The following PHC1 variants were observed in gnomAD, a reference collection of about 807,000 sequenced individuals.
PHC1 encodes polyhomeotic-like protein 1.
PHC1 carries 12 observed loss-of-function variants against 104.3 expected under a neutral mutation model. That is an observed-to-expected ratio of 0.12 (90% confidence interval 0.07 to 0.19). The LOEUF (loss-of-function observed/expected upper bound fraction) is 0.19. Among genes scored for constraint, PHC1 ranks in the 10% least tolerant of loss-of-function variants. The pLI, the probability that PHC1 is intolerant of heterozygous loss-of-function variation, is 1.00. For synonymous variants in PHC1, 302 were observed against 455.8 expected, an observed-to-expected ratio of 0.66 and a Z score of 4.30; for missense variants, 671 against 1,200.0, an observed-to-expected ratio of 0.56 and a Z score of 6.51.
chr12:8,925,189 C>A (rs1305965652), intron 6 of PHC1, among the ~76,000 whole-genome samples: 1 of 152,162 alleles, frequency 6.6e-6, no homozygotes, highest in East Asian at 1.9e-4. Context: ...TCGTTTTTTT[C>A]ATCTGTAAAA....
At chr12:8,917,897 G>A (rs1945246988) in intron 2 of PHC1, 106 bp downstream of exon 2, 1 of 653,236 alleles carries the variant, frequency 1.5e-6, no homozygotes, top group South Asian at 2.0e-5. Context: ...ACTGGGGAGA[G>A]TTGGGTTAGA....
chr12:8,919,010 ATTG>A lies in PHC1; in HGVS notation c.115-743_115-741del, dbSNP rs1945281630. Among the ~76,000 whole-genome samples, 2 of 152,070 alleles carry A rather than the reference ATTG, an allele frequency of 1.3e-5. No individual in the cohort carries two copies. Among genetic ancestry groups the A allele is most frequent in the African/African-American group, 4.8e-5 (2 of 41,420 alleles). ...AGTGGATATGTGGTGCATGGCTGTA[ATTG>A]TTTCTTCCGGTTTTTAAAGGACTAT... is the stretch of plus-strand genomic sequence containing the variant. On this transcript the variant is annotated intron_variant, in intron 2 of 14. Transcript: ENST00000544916. This position sits in a 1 kb window ranked among gnomAD's most constrained non-coding sequence, Gnocchi z 4.9.
chr12:8,927,871 TTC>T (rs999480699), intron 6 of PHC1, among the ~76,000 whole-genome samples: 1 of 98,562 alleles, frequency 1.0e-5, no homozygotes, highest in Non-Finnish European at 2.0e-5. Context: ...CTTTCTTTCT[TTC>T]TTTCTTTCTT....
chr12:8,914,554 G>C lies in PHC1; in HGVS notation c.-322G>C, dbSNP rs1945145276. Reference sequence around the variant, plus strand: ...GCCTGCGGCCCCCACCTTCTCGGCCGGGCAGGAAGTGACAGGCCCGGAGCG... The same window carrying C: ...GCCTGCGGCCCCCACCTTCTCGGCCCGGCAGGAAGTGACAGGCCCGGAGCG... On this transcript the variant is annotated 5_prime_UTR_variant, in exon 1 of 15. Coordinates refer to ENST00000544916, the MANE Select transcript of PHC1 (RefSeq NM_004426.3). The C allele has an allele frequency of 6.6e-6, 1 of 151,362 alleles. No homozygotes were observed. The highest frequency in any genetic ancestry group is 2.1e-4 in the South Asian group (1 of 4,820). 9.4% of individuals were successfully genotyped at this position (151,362 alleles called of 1,614,324 possible).
At chr12:8,922,603 C>A (rs1433699173) in intron 5 of PHC1, 30 bp from the exon 6 acceptor site, 1 of 1,547,966 alleles carries the variant, frequency 6.5e-7, no homozygotes, top group Admixed American at 2.0e-5. Flanking sequence ...CTCTTGTCCT[C>A]TTTGCTCTTC....
chr12:8,935,265 G>A, intron 11 of PHC1, 27 bp downstream of exon 11: 1 of 1,226,610 alleles, frequency 8.2e-7, no homozygotes, highest in Non-Finnish European at 1.2e-6. Context: ...AGACTCATTT[G>A]GGGGAAGGAG....
At chr12:8,929,882 C>G (rs765963501) in intron 6 of PHC1, among the ~76,000 whole-genome samples, 10 of 152,156 alleles carry the variant, frequency 6.6e-5, no homozygotes, top group Non-Finnish European at 1.3e-4. Context: ...TTTAAACCCC[C>G]ACCTTCACCA....
intron 3 of PHC1, among the ~76,000 whole-genome samples, chr12:8,920,490 T>C (rs1945330442): frequency 6.6e-6 from 1 of 152,088 alleles, no homozygotes; most frequent in South Asian, 2.1e-4. Context: ...GGTGGATCAC[T>C]TGAGGTCAGG....
At chr12:8,929,025 T>A (rs1945608143) in intron 6 of PHC1, among the ~76,000 whole-genome samples, 1 of 152,206 alleles carries the variant, frequency 6.6e-6, no homozygotes, top group Admixed American at 6.5e-5. Context: ...CTGTGGTACA[T>A]GGCAAGAGTT....
In PHC1 at chr12:8,920,128, T is replaced by C. The variant is rs147979366; in HGVS notation, c.225+262T>C. ...CGTAGTCACTAGCCACATATCGCTA[T>C]TGAGTGCTTGAAATGTGGCTAGTCT... On this transcript the variant is annotated intron_variant, in intron 3 of 14. Coordinates refer to ENST00000544916, the MANE Select transcript of PHC1 (RefSeq NM_004426.3). 2.8e-3 allele frequency among the ~76,000 whole-genome samples: 421 copies of C among 152,346 alleles called. 9 individuals are homozygous for C. Among genetic ancestry groups the C allele is most frequent in the Admixed American group, 0.026 (398 of 15,304 alleles).
upstream of PHC1, chr12:8,914,467 G>C (rs1455445849): frequency 2.7e-5 from 4 of 148,834 alleles, 1 homozygote; most frequent in Non-Finnish European, 6.0e-5. Flanking sequence ...CGGGGGGGGG[G>C]TCCGGCTGCC....
At chr12:8,937,151 A>G in intron 12 of PHC1, 25 bp from the exon 13 acceptor site, 1 of 1,596,534 alleles carries the variant, frequency 6.3e-7, no homozygotes, top group Non-Finnish European at 8.6e-7. Flanking sequence ...CACTATTGAC[A>G]TCCTATATAT....
intron 6 of PHC1, among the ~76,000 whole-genome samples, chr12:8,926,952 G>A (rs1945529862): frequency 6.6e-6 from 1 of 152,106 alleles, no homozygotes; most frequent in South Asian, 2.1e-4. Flanking sequence ...TACAGGTTGA[G>A]GAGAGGAACG....
chr12:8,923,085 C>T (rs750780250), intron 6 of PHC1, among the ~76,000 whole-genome samples: 6 of 152,030 alleles, frequency 3.9e-5, no homozygotes, highest in South Asian at 2.1e-4. Flanking sequence ...TTGTTTTATT[C>T]GGAGAGTCTT....
At position 8,921,728 on chromosome 12, in the gene PHC1, C is replaced by G. The variant is rs1306409629; in HGVS notation, c.434C>G (p.Ser145Cys). The G allele has an allele frequency of 6.2e-7, 1 of 1,611,798 alleles. No homozygotes were observed. The highest frequency in any genetic ancestry group is 8.5e-7 in the Non-Finnish European group (1 of 1,179,022). The change falls in exon 5 of 15, where the codon TCT becomes TGT. Residue 145 changes from serine to cysteine, a missense_variant. Around this residue, in one of 9 missense-constraint regions of PHC1, gnomAD observed 237 missense variants for 331.1 expected, o/e 0.72. Transcript: ENST00000544916. ...GNTTSPPLNQSQAQMYLRPQL... is the reference protein window; with the variant it reads ...GNTTSPPLNQCQAQMYLRPQL... ...ACCACCTCCCCACCCCTCAACCAGT[C>G]TCAGGCCCAGATGTATCTACGGGTA...
At position 8,933,311 on chromosome 12, in the gene PHC1, G is replaced by C; in HGVS notation, c.1854G>C (p.Gln618His). The change falls in exon 8 of 15, where the codon CAG (glutamine) becomes CAC (histidine). Residue 618 changes from glutamine to histidine, a missense_variant. Physicochemically the swap from Gln to His is conservative, Grantham distance 24. Transcript: ENST00000544916. ...GATTSSPVVA[Q>H]VPAAFYMQSV... ...CCACCTCCTCACCTGTTGTAGCCCA[G>C]GTCCCTGCTGCCTTCTATATGCAGT... is the stretch of plus-strand genomic sequence containing the variant. 1 of 1,506,070 alleles carries C rather than the reference G, an allele frequency of 6.6e-7. No individual in the cohort carries two copies. The highest frequency in any genetic ancestry group is 8.9e-7 in the Non-Finnish European group (1 of 1,122,852). The allele number at this position is 1,506,070 out of a possible 1,614,324, so 93.3% of individuals were successfully genotyped here.
In PHC1 at chr12:8,919,911, A is replaced by G. The variant is rs749537327; in HGVS notation, c.225+45A>G. 6 of 1,579,528 alleles carry G rather than the reference A, an allele frequency of 3.8e-6. No homozygotes were observed. On this transcript the variant is annotated intron_variant, in intron 3 of 14. Transcript: ENST00000544916. This position sits in a 1 kb window ranked among gnomAD's most constrained non-coding sequence, Gnocchi z 4.9. ...CTGGCCCGAGAGGGAGGGGACAGGCACTACAGGTGGGTAGGGGAGATTTTT... is the reference window on the plus strand; with the variant it reads ...CTGGCCCGAGAGGGAGGGGACAGGCGCTACAGGTGGGTAGGGGAGATTTTT...
chr12:8,928,802 A>G (rs1945601471), intron 6 of PHC1, among the ~76,000 whole-genome samples: 1 of 152,194 alleles, frequency 6.6e-6, no homozygotes, highest in African/African-American at 2.4e-5. Context: ...CTGTATGTAC[A>G]CTTTTGGAGA....
rs1194631049 is a variant in PHC1, at chr12:8,919,083, G to T, written c.115-673G>T. Reference sequence around the variant, plus strand: ...AGGATCTCTCTGTTTTTTTGAGATGGAGTTTCGCTCCTGTTGCCCAGGCTG... The same window carrying T: ...AGGATCTCTCTGTTTTTTTGAGATGTAGTTTCGCTCCTGTTGCCCAGGCTG... On this transcript the variant is annotated intron_variant, in intron 2 of 14. Coordinates refer to ENST00000544916, the MANE Select transcript of PHC1 (RefSeq NM_004426.3). The surrounding 1 kb of genome is among the most constrained non-coding windows in gnomAD (Gnocchi z 4.9). 6.6e-6 allele frequency among the ~76,000 whole-genome samples: 1 copy of T among 152,036 alleles called. No homozygotes were observed. The highest frequency in any genetic ancestry group is 1.5e-5 in the Non-Finnish European group (1 of 67,976).
Sources: allele counts gnomAD v4.1 joint callset (sites outside exome capture counted in the v4.1 genomes callset), GRCh38; gene constraint gnomAD v4.1.1; regional missense constraint gnomAD v4.1.1; non-coding constraint Gnocchi (gnomAD v3.1); transcripts MANE v1.5; gene names NCBI Gene and HGNC (gene_info 2026-07-23, HGNC 2026-07-21).